MAN2A1: variants seen among roughly 807,000 people sequenced by gnomAD.
The protein encoded by MAN2A1 is alpha-mannosidase 2.
In MAN2A1, 76 loss-of-function variants were observed where a neutral mutation model predicts 142.6. The observed-to-expected ratio is 0.53, with a 90% CI of 0.44 to 0.65. The LOEUF is 0.65. Among genes scored for constraint, MAN2A1 ranks in the 30% least tolerant of loss-of-function variants. The pLI is 0.00. For missense variants in MAN2A1, 1,311 were observed against 1,365.1 expected, an observed-to-expected ratio of 0.96 and a Z score of 0.62; for synonymous variants, 559 against 473.2, an observed-to-expected ratio of 1.18 and a Z score of -2.35.
At chr5:109,817,093 G>C (rs776033496) in intron 12 of MAN2A1, among the ~76,000 whole-genome samples, 180 bp from the exon 13 acceptor site, 7 of 152,150 alleles carry the variant, frequency 4.6e-5, no homozygotes, top group Non-Finnish European at 8.8e-5. Context: ...TTGAGCCCAG[G>C]AGGTTGAGAC....
chr5:109,817,321 C>A lies in MAN2A1; in HGVS notation c.1992C>A (p.Val664=). 6.2e-7 allele frequency: 1 copy of A among 1,614,078 alleles called. No individual in the cohort carries two copies. The highest frequency in any genetic ancestry group is 8.5e-7 in the Non-Finnish European group (1 of 1,180,008). ...TAGAACAAGACCGAATCTCGTTGGT[C>A]TCAGTCTATGTGAGTTCCCCGACAG... The part of the protein sequence containing the change: ...NPLEQDRISL[V]SVYVSSPTVQ... The change falls in exon 13 of 22, where the codon GTC becomes GTA. Residue 664 remains valine (V), a synonymous_variant. Transcript: ENST00000261483.
chr5:109,694,740 T>C (rs2112536018), intron 1 of MAN2A1, among the ~76,000 whole-genome samples: 1 of 152,192 alleles, frequency 6.6e-6, no homozygotes. Flanking sequence ...GAGTCCAGCA[T>C]AGTAGATGTT....
chr5:109,791,807 T>C (rs1753745241), intron 12 of MAN2A1, among the ~76,000 whole-genome samples: 1 of 152,048 alleles, frequency 6.6e-6, no homozygotes, highest in Non-Finnish European at 1.5e-5. Flanking sequence ...AGGGAGGTGA[T>C]AATGTAAAAA....
chr5:109,798,172 A>G (rs1025247234), intron 12 of MAN2A1, among the ~76,000 whole-genome samples: 2 of 152,228 alleles, frequency 1.3e-5, no homozygotes, highest in Non-Finnish European at 2.9e-5. Context: ...TAACAGCACC[A>G]TGGATCTGCA....
chr5:109,710,429 A>G (rs987148954), intron 1 of MAN2A1, among the ~76,000 whole-genome samples: 1 of 152,260 alleles, frequency 6.6e-6, no homozygotes, highest in Admixed American at 6.5e-5. Context: ...CTCAAAGTAC[A>G]GAAAGATCTG....
intron 12 of MAN2A1, among the ~76,000 whole-genome samples, chr5:109,792,686 A>T (rs571980072): frequency 6.6e-6 from 1 of 152,158 alleles, no homozygotes; most frequent in East Asian, 1.9e-4. Context: ...CTCTCATACC[A>T]TTGCAGGCAA....
chr5:109,703,073 C>T (rs775986055), intron 1 of MAN2A1, among the ~76,000 whole-genome samples: 1 of 152,190 alleles, frequency 6.6e-6, no homozygotes, highest in Non-Finnish European at 1.5e-5. Flanking sequence ...TGATTATCTA[C>T]TTAATACAAC....
chr5:109,806,464 C>T (rs950244837), intron 12 of MAN2A1, among the ~76,000 whole-genome samples: 3 of 152,280 alleles, frequency 2.0e-5, no homozygotes, highest in Admixed American at 6.5e-5. Context: ...AACTCTGCTA[C>T]GAGCTAAGTC....
chr5:109,816,433 A>G (rs1469972600), intron 12 of MAN2A1, among the ~76,000 whole-genome samples: 2 of 152,116 alleles, frequency 1.3e-5, no homozygotes, highest in Admixed American at 6.5e-5. Context: ...ACCTAATCCC[A>G]ATCAATTTTT....
At chr5:109,831,440 A>G (rs968652621) in intron 16 of MAN2A1, among the ~76,000 whole-genome samples, 3 of 152,208 alleles carry the variant, frequency 2.0e-5, no homozygotes, top group East Asian at 1.9e-4. Context: ...GAATATCACA[A>G]TGTGTGAAAT....
intron 16 of MAN2A1, among the ~76,000 whole-genome samples, chr5:109,825,741 C>T (rs1474342174): frequency 3.3e-5 from 5 of 152,040 alleles, no homozygotes; most frequent in African/African-American, 1.2e-4. Context: ...AGTGAACTGT[C>T]CAGTGGCTAA....
At chr5:109,716,475 T>A (rs1441608137) in intron 3 of MAN2A1, among the ~76,000 whole-genome samples, 1 of 152,228 alleles carries the variant, frequency 6.6e-6, no homozygotes, top group Non-Finnish European at 1.5e-5. Context: ...CTGTGCAGTA[T>A]GAAATGGTAA....
intron 16 of MAN2A1, among the ~76,000 whole-genome samples, chr5:109,824,835 T>A (rs1189599091): frequency 2.6e-5 from 4 of 152,206 alleles, no homozygotes; most frequent in Admixed American, 2.0e-4. Flanking sequence ...ATTTTGCTTT[T>A]ATTTAACTTT....
intron 12 of MAN2A1, among the ~76,000 whole-genome samples, chr5:109,798,053 AGAATT>A (rs1422491691): frequency 7.3e-6 from 1 of 136,236 alleles, no homozygotes; most frequent in Admixed American, 7.1e-5. Context: ...TTAAAAATGA[AGAATT>A]AAAAAGGCAT....
intron 12 of MAN2A1, among the ~76,000 whole-genome samples, chr5:109,808,018 C>T (rs1580273242): frequency 6.6e-6 from 1 of 152,170 alleles, no homozygotes; most frequent in African/African-American, 2.4e-5. Context: ...ACAAAAAGCT[C>T]CAAGCTCCTT....
chr5:109,863,510 A>C (rs1755807126), intron 20 of MAN2A1: 1 of 152,202 alleles, frequency 6.6e-6, no homozygotes, highest in Non-Finnish European at 1.5e-5. Context: ...CTCGTGCACT[A>C]GCGCATTCTG....
chr5:109,742,272 T>G (rs1169838378), intron 4 of MAN2A1, among the ~76,000 whole-genome samples: 1 of 152,190 alleles, frequency 6.6e-6, no homozygotes, highest in Non-Finnish European at 1.5e-5. Flanking sequence ...TTCACCAAAG[T>G]CTTGACCAGT....
Position 109,866,943 on chromosome 5 carries a change from G to T in MAN2A1, c.3380G>T (p.Ser1127Ile). 1 of 1,612,722 alleles carries T rather than the reference G, an allele frequency of 6.2e-7. No homozygotes were observed. Reference protein sequence around the residue: ...MHSPPGTQNISEINLSPMEIS... With the variant: ...MHSPPGTQNIIEINLSPMEIS... The stretch of plus-strand genomic sequence containing the variant: ...TCACCTCCCGGCACTCAGAATATAA[G>T]TGAGATCAACTTGAGTCCAATGGAA... The change falls in exon 22 of 22, where the codon AGT becomes ATT. Residue 1127 changes from serine to isoleucine, a missense_variant. Ser to Ile is a moderately radical substitution (Grantham distance 142). Coordinates refer to ENST00000261483, the MANE Select transcript of MAN2A1 (RefSeq NM_002372.4).
chr5:109,766,317 A>C (rs1391683662), intron 5 of MAN2A1, among the ~76,000 whole-genome samples: 1 of 152,214 alleles, frequency 6.6e-6, no homozygotes, highest in Admixed American at 6.5e-5. Context: ...GCTACCACAA[A>C]AACCAAAGTT....
Sources: allele counts gnomAD v4.1 joint callset (sites outside exome capture counted in the v4.1 genomes callset), GRCh38; gene constraint gnomAD v4.1.1; transcripts MANE v1.5; gene names NCBI Gene and HGNC (gene_info 2026-07-23, HGNC 2026-07-21).